SLC3A1: variants seen among roughly 807,000 people sequenced by gnomAD.
SLC3A1 encodes the protein solute carrier family 3 member 1, also known as amino acid transporter heavy chain SLC3A1.
In SLC3A1, 78 loss-of-function variants were observed where a neutral mutation model predicts 60.3. The ratio of observed to expected loss-of-function variants is 1.29; its 90% confidence interval spans 1.08 to 1.56. The LOEUF (loss-of-function observed/expected upper bound fraction) is 1.56. SLC3A1 is among the 40% of genes most tolerant of loss of function. The pLI is 0.00. For synonymous variants in SLC3A1, 392 were observed against 307.9 expected, an observed-to-expected ratio of 1.27 and a Z score of -2.86; for missense variants, 1,172 against 858.9, an observed-to-expected ratio of 1.36 and a Z score of -4.56.
rs144579899 is a variant in SLC3A1 at position 44,320,057 on chromosome 2, A to T, written c.1618-142A>T. 80 of 659,892 alleles carry T rather than the reference A, an allele frequency of 1.2e-4. 1 individual carries two copies. The East Asian group carries it at 2.0e-3, about 17-fold the overall frequency. The allele number at this position is 659,892 out of a possible 1,614,324, so 40.9% of individuals were successfully genotyped here. On this transcript the variant is annotated intron_variant, in intron 9 of 9. Transcript: ENST00000260649. ...TTATATAAATTGTTCTTACCTACTT[A>T]TTGATGCTTACAATTTGGCAATTAT...
chr2:44,321,845 A>T, downstream of SLC3A1: 3 of 1,613,788 alleles, frequency 1.9e-6, no homozygotes, highest in East Asian at 6.7e-5. Context: ...GAGAATCCTC[A>T]ATTACATGAT....
At chr2:44,276,883 C>A (rs1224786794) in intron 1 of SLC3A1, among the ~76,000 whole-genome samples, 1 of 152,090 alleles carries the variant, frequency 6.6e-6, no homozygotes, top group Non-Finnish European at 1.5e-5. Context: ...GGTCACTCTA[C>A]TTCAAGGCAA....
At chr2:44,302,246 A>G (rs982801605) in intron 6 of SLC3A1, among the ~76,000 whole-genome samples, 10 of 152,212 alleles carry the variant, frequency 6.6e-5, no homozygotes, top group South Asian at 6.2e-4. Flanking sequence ...GTTAATTAAC[A>G]TAAGTCTCAG....
At chr2:44,292,113 G>C (rs905229652) in intron 4 of SLC3A1, among the ~76,000 whole-genome samples, 6 of 152,198 alleles carry the variant, frequency 3.9e-5, no homozygotes, top group Non-Finnish European at 5.9e-5. Context: ...CAGCGGGTTA[G>C]CAGCATGGCA....
At chr2:44,279,671 T>C (rs1671447084) in intron 1 of SLC3A1, among the ~76,000 whole-genome samples, 1 of 152,244 alleles carries the variant, frequency 6.6e-6, no homozygotes, top group African/African-American at 2.4e-5. Flanking sequence ...TCATATGTTC[T>C]GTTTAATCCA....
intron 7 of SLC3A1, 107 bp downstream of exon 7, chr2:44,304,445 C>T: frequency 2.3e-6 from 2 of 879,022 alleles, no homozygotes; most frequent in South Asian, 1.4e-5. Context: ...ATCACCTCTG[C>T]CTTATTTGGT....
At chr2:44,319,020 GT>G (rs1672691572) in intron 9 of SLC3A1, 1 of 152,210 alleles carries the variant, frequency 6.6e-6, no homozygotes, top group Non-Finnish European at 1.5e-5. Context: ...CACTTCTTAT[GT>G]GAGTGGCACT....
intron 9 of SLC3A1, chr2:44,314,299 C>G (rs957744415): frequency 3.8e-6 from 2 of 528,672 alleles, no homozygotes; most frequent in South Asian, 4.6e-5. Flanking sequence ...GGGAGAGAGG[C>G]GAGTGGATAG....
At chr2:44,305,826 T>A (rs2104372993) in intron 7 of SLC3A1, among the ~76,000 whole-genome samples, 1 of 152,330 alleles carries the variant, frequency 6.6e-6, no homozygotes, top group Admixed American at 6.5e-5. Context: ...TTAGACTGTT[T>A]CTGTGGTCTC....
rs758905763 is a variant in SLC3A1 at position 44,275,636 on chromosome 2, C to A, written c.101C>A (p.Thr34Asn). 5 of 1,613,972 alleles carry A rather than the reference C, an allele frequency of 3.1e-6. No homozygotes were observed. In the East Asian group the frequency reaches 6.7e-5, roughly 22 times the overall value. ...FVHNEDILEQ[T>N]PDPGSSTDNL... Reference sequence around the variant, plus strand: ...CATAATGAAGACATTCTGGAGCAGACCCCGGATCCAGGAAGCTCAACAGAC... The same window carrying A: ...CATAATGAAGACATTCTGGAGCAGAACCCGGATCCAGGAAGCTCAACAGAC... Residue 34 changes from threonine to asparagine, a missense_variant, in exon 1 of 10, where the codon ACC becomes AAC. Thr to Asn is a moderately conservative substitution (Grantham distance 65). Transcript: ENST00000260649.
At chr2:44,319,053 T>A (rs1204082521) in intron 9 of SLC3A1, 1 of 152,428 alleles carries the variant, frequency 6.6e-6, no homozygotes, top group African/African-American at 2.4e-5. Context: ...TTTCATGCAT[T>A]ACCTAAGGCT....
chr2:44,280,242 CTT>C (rs1429129192), intron 1 of SLC3A1, among the ~76,000 whole-genome samples: 5 of 151,776 alleles, frequency 3.3e-5, no homozygotes, highest in Non-Finnish European at 7.4e-5. Flanking sequence ...TTGATTTTCT[CTT>C]TCTTTTTTTT....
chr2:44,288,790 G>A (rs2104346365), intron 4 of SLC3A1, among the ~76,000 whole-genome samples: 1 of 152,224 alleles, frequency 6.6e-6, no homozygotes, highest in Middle Eastern at 3.4e-3. Flanking sequence ...TATCTGCATT[G>A]TAGAAATGTC....
Position 44,301,101 on chromosome 2 carries a change from AT to A in SLC3A1, c.1111del (p.Tyr371ThrfsTer24). ...VRSFRQTMDQYSTEPGRYRFM... is the reference protein window; with the variant it reads ...VRSFRQTMDQXSTEPGRYRFM... ...GCAGCTTCCGGCAGACCATGGACCA[AT>A]ACAGCACGGAGCCCGGCAGATACAG... is the stretch of plus-strand genomic sequence containing the variant. On this transcript the variant is annotated frameshift_variant, in exon 6 of 10. Transcript: ENST00000260649. LOFTEE classifies it high-confidence loss of function. 6.2e-7 allele frequency: 1 copy of A among 1,613,720 alleles called. No homozygotes were observed. Among genetic ancestry groups the A allele is most frequent in the East Asian group, 2.2e-5 (1 of 44,886 alleles).
intron 6 of SLC3A1, among the ~76,000 whole-genome samples, chr2:44,302,635 C>G (rs965830506): frequency 2.0e-4 from 31 of 152,210 alleles, no homozygotes; most frequent in Admixed American, 1.8e-3. Flanking sequence ...GGAGTCATTT[C>G]AGGTGAATGT....
chr2:44,321,205 T>C lies in SLC3A1; in HGVS notation c.*566T>C, dbSNP rs1181835692. 1.3e-5 allele frequency: 9 copies of C among 684,462 alleles called. No homozygotes were observed. The highest frequency in any genetic ancestry group is 5.5e-5 in the East Asian group (2 of 36,278). 42.4% of individuals were successfully genotyped at this position (684,462 alleles called of 1,614,324 possible). ...GAGAATAGTATAAGCAAGTGAGATG[T>C]AGACTAAGCAAAATTTAGATGGAGA... On this transcript the variant is annotated 3_prime_UTR_variant, in exon 10 of 10. Transcript: ENST00000260649.
At chr2:44,284,103 A>T (rs932856572) in intron 3 of SLC3A1, among the ~76,000 whole-genome samples, 6 of 151,642 alleles carry the variant, frequency 4.0e-5, no homozygotes, top group Non-Finnish European at 4.4e-5. Context: ...TATTTTTGAG[A>T]TGGTCTTGCT....
intron 7 of SLC3A1, among the ~76,000 whole-genome samples, chr2:44,306,551 T>TC (rs1491103741): frequency 3.9e-4 from 6 of 15,580 alleles, no homozygotes; most frequent in Non-Finnish European, 9.8e-4. Context: ...ACCATAAAAC[T>TC]TTTTTTTTTT....
intron 9 of SLC3A1, among the ~76,000 whole-genome samples, chr2:44,315,617 A>G (rs889891757): frequency 1.1e-4 from 15 of 138,818 alleles, no homozygotes; most frequent in South Asian, 2.4e-4. Context: ...GATTACCCCA[A>G]TGCACTCCAG....
Sources: gnomAD v4.1 joint callset for allele counts (sites outside exome capture counted in the v4.1 genomes callset) on GRCh38, gnomAD v4.1.1 for gene constraint, MANE v1.5 for transcripts, NCBI Gene and HGNC (gene_info 2026-07-23, HGNC 2026-07-21) for gene names.